CSTPP1: variants seen among roughly 807,000 people sequenced by gnomAD.
CSTPP1 encodes centriolar satellite-associated tubulin polyglutamylase complex regulator 1.
the CSTPP1 span, among the ~76,000 whole-genome samples, chr11:47,094,650 A>T: frequency 6.6e-6 from 1 of 152,238 alleles, no homozygotes; most frequent in Non-Finnish European, 1.5e-5. Context: ...GCTAATTTTT[A>T]AGAAATTAAA....
At chr11:47,033,194 C>A in the CSTPP1 span, among the ~76,000 whole-genome samples, 1 of 151,134 alleles carries the variant, frequency 6.6e-6, no homozygotes, top group East Asian at 1.9e-4. Flanking sequence ...CAGGCACACT[C>A]GGTGTAGCTT....
At chr11:47,096,577 A>C in the CSTPP1 span, among the ~76,000 whole-genome samples, 2 of 152,350 alleles carry the variant, frequency 1.3e-5, no homozygotes, top group African/African-American at 4.8e-5. Context: ...TATCTCAAGC[A>C]ATAGAAAACT....
chr11:47,142,145 A>C, the CSTPP1 span, among the ~76,000 whole-genome samples: 1 of 151,196 alleles, frequency 6.6e-6, no homozygotes, highest in African/African-American at 2.4e-5. Context: ...TGGGAGCCTG[A>C]GGCAGGAAAA....
the CSTPP1 span, among the ~76,000 whole-genome samples, chr11:47,063,600 T>C: frequency 2.0e-5 from 3 of 152,232 alleles, no homozygotes; most frequent in African/African-American, 7.2e-5. Flanking sequence ...GTCTCACTTA[T>C]GTAACTTAGC....
chr11:46,937,001 T>C, the CSTPP1 span: 1 of 1,118,508 alleles, frequency 8.9e-7, no homozygotes, highest in Admixed American at 3.9e-5. Flanking sequence ...CCTGAGCCTG[T>C]AAGGCCGAGC....
the CSTPP1 span, among the ~76,000 whole-genome samples, chr11:46,966,785 A>G: frequency 4.6e-5 from 7 of 152,242 alleles, no homozygotes; most frequent in African/African-American, 1.7e-4. Flanking sequence ...AATGAAATTA[A>G]TATTTACTGT....
the CSTPP1 span, among the ~76,000 whole-genome samples, chr11:47,056,221 GA>G: frequency 1.3e-5 from 2 of 152,120 alleles, no homozygotes; most frequent in African/African-American, 2.4e-5. Context: ...ATATTTGGTT[GA>G]AAAAAATCCA....
the CSTPP1 span, among the ~76,000 whole-genome samples, chr11:47,032,297 T>A: frequency 6.6e-6 from 1 of 152,226 alleles, no homozygotes; most frequent in African/African-American, 2.4e-5. Context: ...TAGAATTTTT[T>A]AATTTCCAGT....
chr11:47,074,463 G>A, the CSTPP1 span, among the ~76,000 whole-genome samples: 1 of 146,372 alleles, frequency 6.8e-6, no homozygotes, highest in African/African-American at 2.6e-5. Flanking sequence ...TCATGCCACT[G>A]CATTTCAGCC....
the CSTPP1 span, among the ~76,000 whole-genome samples, chr11:46,963,467 A>G: frequency 2.0e-5 from 3 of 152,130 alleles, no homozygotes; most frequent in Non-Finnish European, 4.4e-5. Context: ...GGAAAAAAAG[A>G]AAACACATTT....
At chr11:46,936,842 G>T in the CSTPP1 span, 1 of 1,597,928 alleles carries the variant, frequency 6.3e-7, no homozygotes, top group South Asian at 1.1e-5. Flanking sequence ...ACCGGACTAC[G>T]AGTATCTGGG....
the CSTPP1 span, chr11:47,163,948 A>C: frequency 4.2e-6 from 4 of 946,520 alleles, no homozygotes; most frequent in Non-Finnish European, 6.2e-6. Context: ...ACCCGGCGTT[A>C]AATATTTCTT....
the CSTPP1 span, among the ~76,000 whole-genome samples, chr11:47,116,946 G>T: frequency 6.6e-6 from 1 of 152,118 alleles, no homozygotes; most frequent in Non-Finnish European, 1.5e-5. Flanking sequence ...CTCCCAAAGT[G>T]CTGGGATTAT....
At chr11:47,106,505 T>C in the CSTPP1 span, among the ~76,000 whole-genome samples, 1 of 152,000 alleles carries the variant, frequency 6.6e-6, no homozygotes, top group Non-Finnish European at 1.5e-5. Flanking sequence ...TAGCCAGGCG[T>C]GGTGACACGC....
the CSTPP1 span, among the ~76,000 whole-genome samples, chr11:47,005,239 C>T: frequency 6.6e-6 from 1 of 152,002 alleles, no homozygotes; most frequent in Non-Finnish European, 1.5e-5. Flanking sequence ...AATCTTAGAC[C>T]ATGTAAGCCT....
At chr11:46,976,193 C>T in the CSTPP1 span, among the ~76,000 whole-genome samples, 1 of 152,082 alleles carries the variant, frequency 6.6e-6, no homozygotes, top group African/African-American at 2.4e-5. Flanking sequence ...AAATTATATG[C>T]AACATATTAT....
the CSTPP1 span, among the ~76,000 whole-genome samples, chr11:46,957,207 G>T: frequency 1.3e-5 from 2 of 152,018 alleles, no homozygotes; most frequent in African/African-American, 2.4e-5. Flanking sequence ...TGGCCTGGTT[G>T]CTCTCTAAAT....
At chr11:46,978,881 T>C in the CSTPP1 span, among the ~76,000 whole-genome samples, 2 of 152,202 alleles carry the variant, frequency 1.3e-5, no homozygotes, top group Non-Finnish European at 2.9e-5. Context: ...TTTCTGTATC[T>C]TTTTGTCATT....
At chr11:47,017,401 C>T in the CSTPP1 span, among the ~76,000 whole-genome samples, 1 of 152,136 alleles carries the variant, frequency 6.6e-6, no homozygotes, top group Admixed American at 6.5e-5. Context: ...TCTTGAACTG[C>T]TGACCTCGTG....
Sources: allele counts gnomAD v4.1 joint callset (sites outside exome capture counted in the v4.1 genomes callset), GRCh38; gene constraint gnomAD v4.1.1; transcripts MANE v1.5; gene names NCBI Gene and HGNC (gene_info 2026-07-23, HGNC 2026-07-21).